The following CES1 variants were observed in gnomAD, a reference collection of about 807,000 sequenced individuals.
CES1 encodes the protein liver carboxylesterase 1.
A neutral mutation model predicts 53.0 loss-of-function variants in CES1; 50 were observed. The observed-to-expected ratio is 0.94, with a 90% CI of 0.75 to 1.19. CES1 has a LOEUF of 1.19. Among genes scored for constraint, CES1 ranks in the 50% most tolerant of loss-of-function variants. The pLI is 0.00. For missense variants in CES1, 534 were observed against 538.0 expected (o/e 0.99, Z 0.07); for synonymous variants, 202 against 210.1 (o/e 0.96, Z 0.33).
At chr16:55,826,875 T>C (rs1210057982) in intron 2 of CES1, among the ~76,000 whole-genome samples, 1 of 152,170 alleles carries the variant, frequency 6.6e-6, no homozygotes, top group African/African-American at 2.4e-5. Context: ...ACACTGGTAA[T>C]AGTTATTTAG....
rs1402127411 is a variant in CES1 at position 55,819,545 on chromosome 16, G to T, written c.896C>A (p.Thr299Lys). Residue 299 changes from threonine (T) to lysine (K), a missense_variant, in exon 7 of 14, where the codon ACA becomes AAA. This residue lies in a region of CES1 where 269 missense variants were observed against 206.6 expected (regional missense o/e 1.30). Coordinates refer to ENST00000360526, the MANE Select transcript of CES1 (RefSeq NM_001025195.2). The stretch of plus-strand genomic sequence containing the variant: ...GAACAGGCAACCTACCATTTTCAAT[G>T]TCGTCTCCAAGAGCTCCTCTTCCGT... ...QKTEEELLET[T>K]LKMKFLSLDL... 6.2e-7 allele frequency: 1 copy of T among 1,613,402 alleles called. No homozygotes were observed. Among genetic ancestry groups the T allele is most frequent in the Non-Finnish European group, 8.5e-7 (1 of 1,179,398 alleles).
intron 11 of CES1, among the ~76,000 whole-genome samples, chr16:55,808,812 G>T (rs565783322): frequency 6.6e-6 from 1 of 152,120 alleles, no homozygotes; most frequent in Admixed American, 6.5e-5. Flanking sequence ...TCAACATTGA[G>T]AAAATCCTCA....
chr16:55,815,885 C>T (rs1219604478), intron 8 of CES1, among the ~76,000 whole-genome samples: 1 of 152,286 alleles, frequency 6.6e-6, no homozygotes, highest in African/African-American at 2.4e-5. Flanking sequence ...GAATCCAAAT[C>T]CAAGTACTTT....
At position 55,821,407 on chromosome 16, in the gene CES1, G is replaced by C; in HGVS notation, c.654C>G (p.Ile218Met). The change falls in exon 5 of 14, where the codon ATC becomes ATG. Residue 218 changes from isoleucine (I) to methionine (M), a missense_variant. By Grantham distance (10) the Ile-to-Met change is conservative. This residue lies in a region of CES1 where 85 missense variants were observed against 81.9 expected (regional missense o/e 1.04). Transcript: ENST00000360526. The part of the protein sequence containing the change: ...SFGGNPGSVT[I>M]FGESAGGESV... ...TTTCTCCTCCCGCTGACTCTCCAAA[G>C]ATGGTCACAGAGCCTGGGTTCCCTC... 1 of 1,614,226 alleles carries C rather than the reference G, an allele frequency of 6.2e-7. No homozygotes were observed. Among genetic ancestry groups the C allele is most frequent in the Non-Finnish European group, 8.5e-7 (1 of 1,180,052 alleles).
chr16:55,831,488 A>G (rs13330093), intron 1 of CES1, among the ~76,000 whole-genome samples: 22,774 of 134,452 alleles, frequency 0.17, 840 homozygotes, highest in Admixed American at 0.27. Context: ...AAGCACGAAC[A>G]TGGTGGGCAC....
At chr16:55,819,884 A>G (rs1254349888) in intron 6 of CES1, 1 of 612,826 alleles carries the variant, frequency 1.6e-6, no homozygotes, top group African/African-American at 1.8e-5. Flanking sequence ...TGAAATGGAC[A>G]TAATCATCTC....
chr16:55,832,023 G>A (rs1225963654), intron 1 of CES1, among the ~76,000 whole-genome samples: 1 of 152,150 alleles, frequency 6.6e-6, no homozygotes, highest in Non-Finnish European at 1.5e-5. Flanking sequence ...AGCCACCCCA[G>A]AGCCCACACC....
At chr16:55,814,123 G>A (rs2031828793) in intron 8 of CES1, among the ~76,000 whole-genome samples, 1 of 152,208 alleles carries the variant, frequency 6.6e-6, no homozygotes, top group African/African-American at 2.4e-5. Context: ...TCCACGGGTG[G>A]CTTTGAGGAG....
At chr16:55,819,722 G>C in intron 6 of CES1, 83 bp from the exon 7 acceptor site, 2 of 1,187,132 alleles carry the variant, frequency 1.7e-6, no homozygotes, top group Non-Finnish European at 2.5e-6. Context: ...TCTATCCCAA[G>C]CCCAACTTGT....
At chr16:55,832,931 G>C in intron 1 of CES1, 73 bp downstream of exon 1, 1 of 1,273,428 alleles carries the variant, frequency 7.9e-7, no homozygotes, top group Non-Finnish European at 1.1e-6. Context: ...GCCTTTCTAC[G>C]CATCTGCGCC....
At chr16:55,827,420 C>T (rs1378674287) in intron 2 of CES1, among the ~76,000 whole-genome samples, 1 of 151,774 alleles carries the variant, frequency 6.6e-6, no homozygotes, top group East Asian at 1.9e-4. Flanking sequence ...TATACAATAG[C>T]CAAAAATATT....
At chr16:55,824,455 A>G (rs142977346) in intron 3 of CES1, among the ~76,000 whole-genome samples, 1 of 152,338 alleles carries the variant, frequency 6.6e-6, no homozygotes, top group African/African-American at 2.4e-5. Flanking sequence ...CTCGTAACAT[A>G]AACTATGTCC....
intron 4 of CES1, among the ~76,000 whole-genome samples, chr16:55,823,288 G>C (rs1398959917): frequency 6.6e-6 from 1 of 152,194 alleles, no homozygotes; most frequent in African/African-American, 2.4e-5. Context: ...AGGTAACTGG[G>C]GGCTGGGTCT....
At chr16:55,832,480 C>A (rs1490466647) in intron 1 of CES1, among the ~76,000 whole-genome samples, 1 of 152,212 alleles carries the variant, frequency 6.6e-6, no homozygotes, top group East Asian at 1.9e-4. Flanking sequence ...TTAGAAACAG[C>A]CACCCATTTC....
intron 8 of CES1, among the ~76,000 whole-genome samples, chr16:55,815,018 G>A (rs1184106158): frequency 2.0e-5 from 3 of 152,240 alleles, no homozygotes; most frequent in African/African-American, 4.8e-5. Context: ...AAGAGACGCC[G>A]CCTGCCTGCG....
At chr16:55,823,320 T>C (rs2032280403) in intron 4 of CES1, among the ~76,000 whole-genome samples, 2 of 152,172 alleles carry the variant, frequency 1.3e-5, no homozygotes, top group South Asian at 4.1e-4. Context: ...GAGGTGTTCT[T>C]CGGATAGAAT....
chr16:55,830,535 T>A (rs554414403), intron 1 of CES1, among the ~76,000 whole-genome samples: 1 of 152,236 alleles, frequency 6.6e-6, no homozygotes, highest in South Asian at 2.1e-4. Context: ...CCAGGCACAG[T>A]GGATCACCTG....
chr16:55,819,388 A>G (rs564263262), intron 7 of CES1, 147 bp downstream of exon 7: 6 of 713,164 alleles, frequency 8.4e-6, no homozygotes, highest in East Asian at 5.1e-5. Flanking sequence ...GCATTTTACA[A>G]TAAAAAAGGA....
Position 55,828,755 on chromosome 16 carries a change from G to A in CES1, c.260+12C>T, listed in dbSNP as rs2032515060. ...GAGGTAAACATCCCCAAGGACACATGCCGCAGCTTACATAGGAGGGTACGA... is the reference window on the plus strand; with the variant it reads ...GAGGTAAACATCCCCAAGGACACATACCGCAGCTTACATAGGAGGGTACGA... On this transcript the variant is annotated intron_variant, in intron 2 of 13. Transcript: ENST00000360526. The A allele has an allele frequency of 6.2e-7, 1 of 1,614,210 alleles. No individual in the cohort carries two copies. Among genetic ancestry groups the A allele is most frequent in the Non-Finnish European group, 8.5e-7 (1 of 1,180,002 alleles).
Sources: gnomAD v4.1 joint callset for allele counts (sites outside exome capture counted in the v4.1 genomes callset) on GRCh38, gnomAD v4.1.1 for gene constraint, gnomAD v4.1.1 regional missense constraint, MANE v1.5 for transcripts, NCBI Gene and HGNC (gene_info 2026-07-23, HGNC 2026-07-21) for gene names.